The following TENM3 variants were observed in gnomAD, a reference collection of about 807,000 sequenced individuals.
TENM3 encodes teneurin-3.
Under a neutral mutation model 255.1 loss-of-function variants are expected in TENM3, and 63 were observed. The observed-to-expected ratio is 0.25, with a 90% CI of 0.20 to 0.30. The LOEUF is 0.30. Ranked by LOEUF, TENM3 falls within the 10% of genes least tolerant of loss-of-function variation. The pLI is 1.00. For missense variants in TENM3, 2,929 were observed against 3,461.1 expected (o/e 0.85, Z 3.86); for synonymous variants, 1,306 against 1,322.3 (o/e 0.99, Z 0.27).
At chr4:182,617,004 G>A (rs1337305877) in intron 4 of TENM3, among the ~76,000 whole-genome samples, 4 of 152,046 alleles carry the variant, frequency 2.6e-5, no homozygotes, top group Admixed American at 1.3e-4. Context: ...TGAACACATT[G>A]CTAAATATAC....
At chr4:181,802,579 A>T in the TENM3 span, among the ~76,000 whole-genome samples, 1 of 152,286 alleles carries the variant, frequency 6.6e-6, no homozygotes, top group Admixed American at 6.5e-5. Context: ...AAAAACTCAA[A>T]AATATATTAA....
intron 3 of TENM3, among the ~76,000 whole-genome samples, chr4:182,391,079 G>A (rs917546607): frequency 6.6e-6 from 1 of 152,076 alleles, no homozygotes; most frequent in African/African-American, 2.4e-5. Context: ...CCATTTGTAA[G>A]CTATTTTTAG....
chr4:182,218,780 A>C (rs1307689229), intron 1 of TENM3, among the ~76,000 whole-genome samples: 1 of 152,258 alleles, frequency 6.6e-6, no homozygotes, highest in East Asian at 1.9e-4. Flanking sequence ...TCGCAAACAT[A>C]ATGTATAAGA....
At chr4:181,569,524 C>T in the TENM3 span, among the ~76,000 whole-genome samples, 1 of 152,100 alleles carries the variant, frequency 6.6e-6, no homozygotes, top group Non-Finnish European at 1.5e-5. Context: ...GGGGTTGTTT[C>T]CCCTTTTTGC....
intron 24 of TENM3, among the ~76,000 whole-genome samples, chr4:182,786,863 T>G (rs1272754923): frequency 6.6e-6 from 1 of 152,180 alleles, no homozygotes; most frequent in Non-Finnish European, 1.5e-5. Context: ...AAGGGCAACC[T>G]TAAACATTCA....
Position 182,728,974 on chromosome 4 carries a change from T to C in TENM3, c.2378T>C (p.Ile793Thr), listed in dbSNP as rs1335442198. Reference sequence around the variant, plus strand: ...ACATTTCTCTCTACAGATGGACTCATTGACTGCATGGATCCCGATTGCTGC... The same window carrying C: ...ACATTTCTCTCTACAGATGGACTCACTGACTGCATGGATCCCGATTGCTGC... ...DSKDNEGDGL[I>T]DCMDPDCCLQ... The change falls in exon 14 of 28, where the codon ATT becomes ACT. Residue 793 changes from isoleucine (I) to threonine (T), a missense_variant. Physicochemically the swap from Ile to Thr is moderately conservative, Grantham distance 89. Coordinates refer to ENST00000511685, the MANE Select transcript of TENM3 (RefSeq NM_001080477.4). 1 of 1,613,900 alleles carries C rather than the reference T, an allele frequency of 6.2e-7. No homozygotes were observed. The highest frequency in any genetic ancestry group is 1.3e-5 in the African/African-American group (1 of 75,040).
chr4:182,668,892 T>G (rs1029286594), intron 6 of TENM3, among the ~76,000 whole-genome samples: 4 of 152,182 alleles, frequency 2.6e-5, no homozygotes, highest in Non-Finnish European at 5.9e-5. Flanking sequence ...TGGCACCAGT[T>G]TATGAATTTA....
chr4:182,256,617 C>G (rs1758417349), intron 1 of TENM3, among the ~76,000 whole-genome samples: 1 of 152,116 alleles, frequency 6.6e-6, no homozygotes, highest in African/African-American at 2.4e-5. Context: ...TGTAACTTTG[C>G]TTTTCTCCTT....
the TENM3 span, among the ~76,000 whole-genome samples, chr4:182,090,912 T>C: frequency 1.3e-5 from 2 of 152,358 alleles, no homozygotes; most frequent in East Asian, 1.9e-4. Flanking sequence ...TTAGGTTTGA[T>C]CTTCTAATCC....
At chr4:181,524,092 T>C in the TENM3 span, among the ~76,000 whole-genome samples, 1 of 152,142 alleles carries the variant, frequency 6.6e-6, no homozygotes, top group Non-Finnish European at 1.5e-5. Flanking sequence ...AACACTAACA[T>C]GGAAATCATG....
the TENM3 span, among the ~76,000 whole-genome samples, chr4:181,736,627 G>A: frequency 1.1e-4 from 16 of 151,734 alleles, no homozygotes; most frequent in Non-Finnish European, 1.9e-4. Context: ...GGGCCACATA[G>A]CTTTATGTGA....
chr4:182,331,144 C>CA (rs940356613), intron 2 of TENM3, among the ~76,000 whole-genome samples: 5 of 152,078 alleles, frequency 3.3e-5, no homozygotes, highest in African/African-American at 1.2e-4. Context: ...ACCAATTTAG[C>CA]AAAAACAGCT....
At chr4:181,637,374 G>C in the TENM3 span, among the ~76,000 whole-genome samples, 5 of 152,212 alleles carry the variant, frequency 3.3e-5, no homozygotes, top group Admixed American at 3.3e-4. Context: ...GTGGAGTCCA[G>C]TGTGTTCAGC....
chr4:182,664,643 G>A (rs976747596), intron 6 of TENM3, among the ~76,000 whole-genome samples: 1 of 152,206 alleles, frequency 6.6e-6, no homozygotes, highest in Non-Finnish European at 1.5e-5. Context: ...GGTTGTGAGT[G>A]CAAAGGAGAA....
the TENM3 span, among the ~76,000 whole-genome samples, chr4:181,547,089 A>G: frequency 2.0e-5 from 3 of 152,196 alleles, no homozygotes; most frequent in African/African-American, 7.2e-5. Flanking sequence ...TGAGAATTCT[A>G]AAACATTGGA....
chr4:181,489,140 A>G, the TENM3 span, among the ~76,000 whole-genome samples: 1 of 152,180 alleles, frequency 6.6e-6, no homozygotes, highest in Non-Finnish European at 1.5e-5. Flanking sequence ...GTAAATGCCC[A>G]GTGTTTCTTC....
At chr4:181,893,079 T>C in the TENM3 span, among the ~76,000 whole-genome samples, 2 of 131,840 alleles carry the variant, frequency 1.5e-5, no homozygotes, top group Non-Finnish European at 3.3e-5. Flanking sequence ...GTCAAATAAA[T>C]GACATTAAGA....
chr4:182,622,220 A>G (rs569852997), intron 4 of TENM3, among the ~76,000 whole-genome samples: 1 of 151,890 alleles, frequency 6.6e-6, no homozygotes, highest in Admixed American at 6.6e-5. Flanking sequence ...ATTACCTGGC[A>G]TGGTGGCACA....
At chr4:182,623,394 CT>C (rs1158061308) in intron 4 of TENM3, among the ~76,000 whole-genome samples, 3 of 151,622 alleles carry the variant, frequency 2.0e-5, no homozygotes, top group African/African-American at 7.3e-5. Flanking sequence ...CCTCCATCTC[CT>C]GGGTTCAAGC....
Sources: gnomAD v4.1 joint callset for allele counts (sites outside exome capture counted in the v4.1 genomes callset) on GRCh38, gnomAD v4.1.1 for gene constraint, MANE v1.5 for transcripts, NCBI Gene and HGNC (gene_info 2026-07-23, HGNC 2026-07-21) for gene names.